The following GPR39 variants were observed in gnomAD, a reference collection of about 807,000 sequenced individuals.
GPR39 encodes the protein zinc sensing receptor.
GPR39 carries 23 observed loss-of-function variants against 18.4 expected under a neutral mutation model. The observed-to-expected ratio is 1.25, with a 90% CI of 0.90 to 1.77. The LOEUF is 1.77. Ranked by LOEUF, GPR39 falls within the 40% of genes most tolerant of loss-of-function variation. The pLI, the probability that GPR39 is intolerant of heterozygous loss-of-function variation, is 0.00. For synonymous variants in GPR39, 280 were observed against 257.9 expected (o/e 1.09, Z -0.82); for missense variants, 647 against 602.4 (o/e 1.07, Z -0.78).
At chr2:132,478,712 C>T (rs1408687687) in intron 1 of GPR39, among the ~76,000 whole-genome samples, 1 of 152,106 alleles carries the variant, frequency 6.6e-6, no homozygotes, top group Non-Finnish European at 1.5e-5. Flanking sequence ...AGGGAAGCTA[C>T]CACTTAGTGA....
At chr2:132,606,684 C>A (rs1681143569) in intron 1 of GPR39, among the ~76,000 whole-genome samples, 1 of 152,212 alleles carries the variant, frequency 6.6e-6, no homozygotes, top group South Asian at 2.1e-4. Flanking sequence ...ATCCCAAGTT[C>A]TTGCCCAGCG....
intron 1 of GPR39, among the ~76,000 whole-genome samples, chr2:132,453,259 G>T (rs1255415684): frequency 1.3e-5 from 2 of 152,124 alleles, no homozygotes; most frequent in Non-Finnish European, 2.9e-5. Flanking sequence ...TCATGTGTCT[G>T]TTGGTGGCAT....
chr2:132,539,513 A>G (rs751726169), intron 1 of GPR39, among the ~76,000 whole-genome samples: 3 of 152,134 alleles, frequency 2.0e-5, no homozygotes, highest in African/African-American at 7.2e-5. Flanking sequence ...TGTGGCCCCC[A>G]CTATGCTAGA....
chr2:132,548,277 A>T (rs1328188264), intron 1 of GPR39, among the ~76,000 whole-genome samples: 2 of 152,250 alleles, frequency 1.3e-5, no homozygotes, highest in African/African-American at 2.4e-5. Flanking sequence ...AGTTTAAATA[A>T]CATACAGTGC....
At chr2:132,522,166 G>A (rs16833460) in intron 1 of GPR39, among the ~76,000 whole-genome samples, 11 of 152,230 alleles carry the variant, frequency 7.2e-5, no homozygotes, top group South Asian at 4.2e-4. Flanking sequence ...TCAGCCCCAC[G>A]TTGTGATATA....
chr2:132,527,760 A>C (rs7566019), intron 1 of GPR39, among the ~76,000 whole-genome samples: 3,022 of 152,222 alleles, frequency 0.02, 102 homozygotes, highest in African/African-American at 0.07. Context: ...GTCTGTTCAT[A>C]TCCTACTCCC....
intron 1 of GPR39, among the ~76,000 whole-genome samples, chr2:132,460,227 T>C (rs950468144): frequency 7.2e-5 from 11 of 152,226 alleles, no homozygotes; most frequent in South Asian, 2.1e-4. Flanking sequence ...TGTAGAAAGC[T>C]GGCACAGAGG....
chr2:132,419,995 C>T (rs548815609), intron 1 of GPR39, among the ~76,000 whole-genome samples: 1 of 152,324 alleles, frequency 6.6e-6, no homozygotes, highest in Admixed American at 6.5e-5. Flanking sequence ...AGCATAAAAT[C>T]AGAATGCCAC....
At chr2:132,579,706 ATATTT>A (rs1306812731) in intron 1 of GPR39, among the ~76,000 whole-genome samples, 1 of 151,898 alleles carries the variant, frequency 6.6e-6, no homozygotes, top group Non-Finnish European at 1.5e-5. Flanking sequence ...TCTATTTCTT[ATATTT>A]TATTATATAT....
chr2:132,456,546 G>A (rs139715767), intron 1 of GPR39, among the ~76,000 whole-genome samples: 3 of 152,246 alleles, frequency 2.0e-5, no homozygotes, highest in East Asian at 3.9e-4. Context: ...TATTTTGCCC[G>A]TTCATTGATG....
chr2:132,620,687 T>C (rs78290480), intron 1 of GPR39, among the ~76,000 whole-genome samples: 2 of 152,304 alleles, frequency 1.3e-5, no homozygotes, highest in East Asian at 3.9e-4. Context: ...CCTCTCTGTT[T>C]TCCCTTCTCT....
At chr2:132,553,592 C>T (rs1360848473) in intron 1 of GPR39, among the ~76,000 whole-genome samples, 1 of 151,962 alleles carries the variant, frequency 6.6e-6, no homozygotes, top group African/African-American at 2.4e-5. Context: ...AGCATAGAGA[C>T]CCTCACAGGC....
At position 132,417,604 on chromosome 2, in the gene GPR39, G is replaced by C. The variant is rs749912715; in HGVS notation, c.562G>C (p.Gly188Arg). 1 of 1,613,902 alleles carries C rather than the reference G, an allele frequency of 6.2e-7. No homozygotes were observed. Among genetic ancestry groups the C allele is most frequent in the Non-Finnish European group, 8.5e-7 (1 of 1,180,004 alleles). The change falls in exon 1 of 2, where the codon GGT (glycine) becomes CGT (arginine). Residue 188 changes from glycine to arginine, a missense_variant. Coordinates refer to ENST00000329321, the MANE Select transcript of GPR39 (RefSeq NM_001508.3). ...YPLVNVPSHR[G>R]LTCNRSSTRH... Reference sequence around the variant, plus strand: ...CCTGGTGAACGTGCCCAGCCACCGGGGTCTCACTTGCAACCGCTCCAGCAC... The same window carrying C: ...CCTGGTGAACGTGCCCAGCCACCGGCGTCTCACTTGCAACCGCTCCAGCAC...
chr2:132,449,575 T>A (rs1680598750), intron 1 of GPR39, among the ~76,000 whole-genome samples: 1 of 152,186 alleles, frequency 6.6e-6, no homozygotes, highest in African/African-American at 2.4e-5. Flanking sequence ...TGGAAGCTGT[T>A]TGAATTTTCA....
intron 1 of GPR39, among the ~76,000 whole-genome samples, chr2:132,567,120 C>T (rs1273250007): frequency 1.3e-5 from 2 of 152,094 alleles, no homozygotes; most frequent in Non-Finnish European, 2.9e-5. Flanking sequence ...ATCATGATGT[C>T]AGGATTTTGA....
chr2:132,464,543 C>G (rs895821324), intron 1 of GPR39, among the ~76,000 whole-genome samples: 2 of 152,192 alleles, frequency 1.3e-5, no homozygotes, highest in African/African-American at 4.8e-5. Context: ...ACATTAAAAA[C>G]CTTCAGCACT....
intron 1 of GPR39, among the ~76,000 whole-genome samples, chr2:132,467,239 CAATCAAAAGCTGCAGACA>C (rs1354344056): frequency 6.6e-6 from 1 of 152,204 alleles, no homozygotes; most frequent in East Asian, 1.9e-4. Context: ...TCCTGTGGGG[CAATCAAAAGCTGCAGACA>C]AGCACTGTGG....
At chr2:132,581,727 A>T (rs1680627402) in intron 1 of GPR39, among the ~76,000 whole-genome samples, 1 of 152,180 alleles carries the variant, frequency 6.6e-6, no homozygotes, top group Admixed American at 6.5e-5. Flanking sequence ...AATATAAAGA[A>T]ACCAATTTGA....
chr2:132,420,964 T>G (rs1255717252), intron 1 of GPR39, among the ~76,000 whole-genome samples: 1 of 152,214 alleles, frequency 6.6e-6, no homozygotes, highest in East Asian at 1.9e-4. Context: ...GTCTTGCCTC[T>G]TGTCAGCCCA....
Sources: allele counts gnomAD v4.1 joint callset (sites outside exome capture counted in the v4.1 genomes callset), GRCh38; gene constraint gnomAD v4.1.1; transcripts MANE v1.5; gene names NCBI Gene and HGNC (gene_info 2026-07-23, HGNC 2026-07-21).